The following DCX variants were observed in gnomAD, a reference collection of about 807,000 sequenced individuals.
DCX encodes neuronal migration protein doublecortin.
A neutral mutation model predicts 20.9 loss-of-function variants in DCX; 4 were observed. That is an observed-to-expected ratio of 0.19 (90% CI 0.09 to 0.44). The LOEUF is 0.44. DCX is among the 20% of genes least tolerant of loss of function. DCX has a pLI of 0.99. For synonymous variants in DCX, 103 were observed against 111.4 expected (o/e 0.92, Z 0.47); for missense variants, 133 against 296.9 (o/e 0.45, Z 4.06).
intron 3 of DCX, among the ~76,000 whole-genome samples, chrX:111,393,172 A>G (rs1287714675): frequency 9.0e-6 from 1 of 111,514 alleles, no homozygotes; most frequent in African/African-American, 3.3e-5. Context: ...AAAAACCTTC[A>G]GAGGACTCGG....
intron 2 of DCX, among the ~76,000 whole-genome samples, chrX:111,406,859 A>G (rs1928247774): frequency 8.9e-6 from 1 of 112,486 alleles, no homozygotes; most frequent in Non-Finnish European, 1.9e-5. Flanking sequence ...GTCCAAAATT[A>G]TGTTATGATG....
intron 3 of DCX, among the ~76,000 whole-genome samples, chrX:111,391,248 G>GCT (rs902011886): frequency 9.0e-6 from 1 of 110,543 alleles, no homozygotes; most frequent in East Asian, 2.9e-4. Flanking sequence ...CTTCCCCATT[G>GCT]CTCTCTCTCT....
chrX:111,314,372 C>T (rs753111523), intron 5 of DCX, among the ~76,000 whole-genome samples: 5 of 111,707 alleles, frequency 4.5e-5, no homozygotes, highest in Admixed American at 9.5e-5. Context: ...GTGAAATAAA[C>T]GCTAAGACAT....
At chrX:111,315,035 C>A (rs1389343069) in intron 5 of DCX, among the ~76,000 whole-genome samples, 2 of 108,585 alleles carry the variant, frequency 1.8e-5, no homozygotes, top group Non-Finnish European at 3.8e-5. Context: ...AAGTCCTTGC[C>A]CACGCCTATG....
intron 3 of DCX, among the ~76,000 whole-genome samples, chrX:111,374,617 A>G (rs1460724374): frequency 9.0e-6 from 1 of 110,539 alleles, no homozygotes; most frequent in Non-Finnish European, 1.9e-5. Flanking sequence ...AGTTCACCCA[A>G]TGGAGGGAAA....
chrX:111,387,673 G>A (rs1926625618), intron 3 of DCX, among the ~76,000 whole-genome samples: 1 of 111,783 alleles, frequency 8.9e-6, no homozygotes, highest in Admixed American at 9.5e-5. Flanking sequence ...TAATGTCTCT[G>A]GTGAGTAAGA....
At chrX:111,338,696 C>CTTTTTTTTTT (rs200133621) in intron 3 of DCX, among the ~76,000 whole-genome samples, 7 of 94,198 alleles carry the variant, frequency 7.4e-5, no homozygotes, top group African/African-American at 2.7e-4. Flanking sequence ...TCTGTAGTGC[C>CTTTTTTTTTT]TTTTTTTTTT....
intron 5 of DCX, among the ~76,000 whole-genome samples, chrX:111,330,690 C>T (rs762668357): frequency 2.3e-4 from 26 of 111,878 alleles, no homozygotes; most frequent in Non-Finnish European, 4.3e-4. Flanking sequence ...AGACAATGGG[C>T]CAGGCTTCTG....
At chrX:111,325,951 C>G (rs1273542379) in intron 5 of DCX, among the ~76,000 whole-genome samples, 1 of 111,546 alleles carries the variant, frequency 9.0e-6, no homozygotes, top group Non-Finnish European at 1.9e-5. Flanking sequence ...GTCAGAATGA[C>G]CAAGTCCCTC....
chrX:111,339,326 A>T (rs752316666), intron 3 of DCX, among the ~76,000 whole-genome samples: 2 of 111,649 alleles, frequency 1.8e-5, no homozygotes, highest in Non-Finnish European at 3.8e-5. Context: ...TGATTGGGTC[A>T]TGAAGGCTCT....
chrX:111,401,969 G>A (rs994854947), intron 2 of DCX, among the ~76,000 whole-genome samples: 1 of 112,181 alleles, frequency 8.9e-6, no homozygotes, highest in African/African-American at 3.2e-5. Flanking sequence ...GTGTATAAGT[G>A]TGTCCTCTAC....
chrX:111,318,671 T>C (rs756010779), intron 5 of DCX, among the ~76,000 whole-genome samples: 1 of 111,100 alleles, frequency 9.0e-6, no homozygotes, highest in Non-Finnish European at 1.9e-5. Context: ...TGGAGGCCAT[T>C]ATCCTTAGCA....
chrX:111,312,278 T>A (rs1232631742), intron 6 of DCX, among the ~76,000 whole-genome samples: 2 of 111,828 alleles, frequency 1.8e-5, no homozygotes, highest in African/African-American at 6.5e-5. Flanking sequence ...CACTGACTGG[T>A]GCCTGGTGAC....
At chrX:111,340,876 G>A (rs1922164058) in intron 3 of DCX, among the ~76,000 whole-genome samples, 1 of 111,248 alleles carries the variant, frequency 9.0e-6, no homozygotes, top group African/African-American at 3.3e-5. Flanking sequence ...AAAACCCCAT[G>A]TAAAGGTCAG....
rs748810643 is a variant in DCX at position 111,410,355 on chromosome X, G to C, written c.44C>G (p.Ser15Cys). 8.3e-7 allele frequency: 1 copy of C among 1,211,339 alleles called. No homozygotes were observed. The highest frequency in any genetic ancestry group is 1.1e-6 in the Non-Finnish European group (1 of 895,430). Reference protein sequence around the residue: ...FGHFDERDKTSRNMRGSRMNG... With the variant: ...FGHFDERDKTCRNMRGSRMNG... ...CATCCGGGAGCCTCGCATGTTCCTG[G>C]ATGTCTTATCTCTTTCGTCAAAGTG... is the stretch of plus-strand genomic sequence containing the variant. The change falls in exon 2 of 7, where the codon TCC (serine) becomes TGC (cysteine). Residue 15 changes from serine (S) to cysteine (C), a missense_variant. Ser to Cys is a moderately radical substitution (Grantham distance 112). This residue lies in a region of DCX where 65 missense variants were observed against 212.6 expected (regional missense o/e 0.31). Transcript: ENST00000636035.
intron 6 of DCX, among the ~76,000 whole-genome samples, chrX:111,308,802 G>C (rs899869203): frequency 2.7e-5 from 3 of 111,371 alleles, no homozygotes; most frequent in African/African-American, 9.8e-5. Context: ...CAAGCCATTG[G>C]TGCAATCACT....
At chrX:111,358,175 C>T (rs947059292) in intron 3 of DCX, among the ~76,000 whole-genome samples, 1 of 111,886 alleles carries the variant, frequency 8.9e-6, no homozygotes, top group Non-Finnish European at 1.9e-5. Flanking sequence ...GATTCCATTG[C>T]AAAAAACAAT....
chrX:111,347,026 G>T (rs1922880048), intron 3 of DCX, among the ~76,000 whole-genome samples: 1 of 111,140 alleles, frequency 9.0e-6, no homozygotes, highest in African/African-American at 3.3e-5. Flanking sequence ...TAAGAATTTA[G>T]GCTCCACAAG....
intron 2 of DCX, among the ~76,000 whole-genome samples, chrX:111,402,820 TGC>T (rs1324888376): frequency 5.4e-4 from 43 of 80,169 alleles, no homozygotes; most frequent in African/African-American, 1.8e-3. Flanking sequence ...TGTGTGTGTG[TGC>T]GGAGGGGGAG....
Sources: allele counts gnomAD v4.1 joint callset (sites outside exome capture counted in the v4.1 genomes callset), GRCh38; gene constraint gnomAD v4.1.1; regional missense constraint gnomAD v4.1.1; transcripts MANE v1.5; gene names NCBI Gene and HGNC (gene_info 2026-07-23, HGNC 2026-07-21).